The following STX3 variants were observed in gnomAD, a reference collection of about 807,000 sequenced individuals.
STX3 encodes syntaxin 3.
In STX3, 19 loss-of-function variants were observed where a neutral mutation model predicts 40.2. That is an observed-to-expected ratio of 0.47 (90% CI 0.33 to 0.69). The LOEUF (loss-of-function observed/expected upper bound fraction) is 0.69. Among genes scored for constraint, STX3 ranks in the 30% least tolerant of loss-of-function variants. STX3 has a pLI of 0.02. For missense variants in STX3, 364 were observed against 366.7 expected, an observed-to-expected ratio of 0.99 and a Z score of 0.06; for synonymous variants, 122 against 132.2, an observed-to-expected ratio of 0.92 and a Z score of 0.53.
rs201820174 is a variant in STX3, at chr11:59,787,097, C to T, written c.175C>T (p.Leu59Phe). ...AGAACATGTAGAGGAGGCTAAGAAA[C>T]TCTACAGTATCATTCTCTCTGCACC... ...ISEHVEEAKK[L>F]YSIILSAPIP... is the part of the protein sequence containing the mutation. The change falls in exon 3 of 11, where the codon CTC (leucine) becomes TTC (phenylalanine). Residue 59 changes from leucine to phenylalanine, a missense_variant. By Grantham distance (22) the Leu-to-Phe change is conservative (BLOSUM62 0). Transcript: ENST00000337979. The T allele has an allele frequency of 2.8e-5, 45 of 1,614,150 alleles. No homozygotes were observed. In the African/African-American group the frequency reaches 4.4e-4, roughly 16 times the overall value.
Position 59,801,226 on chromosome 11 carries a change from A to G in STX3, c.*402A>G, listed in dbSNP as rs1035439183. On this transcript the variant is annotated 3_prime_UTR_variant, in exon 11 of 11. Transcript: ENST00000337979. ...AGTATTCTCCCAGAAACTGCAATGTATTTTTTTAGGGGAGTATCTTTAACA... is the reference window on the plus strand; with the variant it reads ...AGTATTCTCCCAGAAACTGCAATGTGTTTTTTTAGGGGAGTATCTTTAACA... The G allele has an allele frequency of 6.4e-6, 7 of 1,085,328 alleles. No homozygotes were observed. The Middle Eastern group carries it at 1.2e-3, about 190-fold the overall frequency. The allele number at this position is 1,085,328 out of a possible 1,614,324, so 67.2% of individuals were successfully genotyped here.
chr11:59,787,478 C>A (rs3781792), intron 3 of STX3, among the ~76,000 whole-genome samples: 15,775 of 152,202 alleles, frequency 0.1, 1,146 homozygotes, highest in African/African-American at 0.2. Flanking sequence ...CCAGCCTGAA[C>A]TGCTTTTCCT....
At chr11:59,793,808 T>C (rs1865355164) in intron 8 of STX3, among the ~76,000 whole-genome samples, 1 of 138,276 alleles carries the variant, frequency 7.2e-6, no homozygotes, top group South Asian at 2.2e-4. Context: ...GGATTTTTGA[T>C]TTTTTTTTTT....
At position 59,755,670 on chromosome 11, in the gene STX3, G is replaced by A. The variant is rs769946284; in HGVS notation, c.30+35G>A. 4 of 1,588,938 alleles carry A rather than the reference G, an allele frequency of 2.5e-6. No homozygotes were observed. The South Asian group carries it at 3.3e-5, about 13-fold the overall frequency. On this transcript the variant is annotated intron_variant, in intron 1 of 10. Coordinates refer to ENST00000337979, the MANE Select transcript of STX3 (RefSeq NM_004177.5). ...GCCGCAGGCGGGGTGCTGCCAGGAGGGGTGCTGCATGGGAGAGGGGCTTCC... is the reference window on the plus strand; with the variant it reads ...GCCGCAGGCGGGGTGCTGCCAGGAGAGGTGCTGCATGGGAGAGGGGCTTCC...
chr11:59,759,922 A>G (rs1862941867), intron 1 of STX3, among the ~76,000 whole-genome samples: 1 of 152,218 alleles, frequency 6.6e-6, no homozygotes, highest in Non-Finnish European at 1.5e-5. Flanking sequence ...GCTTTGGATC[A>G]TAACTGAACC....
Position 59,801,407 on chromosome 11 carries a change from C to G in STX3, c.*583C>G. ...CTAAAGAGCTGACTTGTTTGAAATT[C>G]AGCCTTAAATTAAGCTCTTAGTTGT... On this transcript the variant is annotated 3_prime_UTR_variant, in exon 11 of 11. Coordinates refer to ENST00000337979, the MANE Select transcript of STX3 (RefSeq NM_004177.5). 4.1e-6 allele frequency: 4 copies of G among 987,554 alleles called. No individual in the cohort carries two copies. The highest frequency in any genetic ancestry group is 4.8e-6 in the Non-Finnish European group (4 of 831,050). 61.2% of individuals were successfully genotyped at this position (987,554 alleles called of 1,614,324 possible).
chr11:59,802,451 G>A lies in STX3; in HGVS notation c.*1627G>A, dbSNP rs1865921493. 1.0e-6 allele frequency: 1 copy of A among 985,816 alleles called. No homozygotes were observed. The highest frequency in any genetic ancestry group is 1.2e-6 in the Non-Finnish European group (1 of 829,942). 61.1% of individuals were successfully genotyped at this position (985,816 alleles called of 1,614,324 possible). A position where few individuals can be genotyped will look rare whatever the true frequency, so the allele number is the denominator to read the frequency against. The stretch of plus-strand genomic sequence containing the variant: ...CCTTTGCAAAGGCTACTTATGGCCG[G>A]TCACAATCCAGCACTCAGACAGAGC... On this transcript the variant is annotated 3_prime_UTR_variant, in exon 11 of 11. Transcript: ENST00000337979.
intron 2 of STX3, among the ~76,000 whole-genome samples, chr11:59,786,243 C>CTTT (rs1333761860): frequency 3.7e-5 from 5 of 135,528 alleles, no homozygotes; most frequent in Admixed American, 7.5e-5. Flanking sequence ...TTCTTTCTTT[C>CTTT]TTTTTTTTTT....
chr11:59,762,950 C>T (rs1863112548), intron 1 of STX3, among the ~76,000 whole-genome samples: 1 of 152,192 alleles, frequency 6.6e-6, no homozygotes, highest in Admixed American at 6.5e-5. Flanking sequence ...CCAACATTCT[C>T]TAATAAGCTT....
chr11:59,793,080 T>TG lies in STX3; in HGVS notation c.467-19_467-18insG. On this transcript the variant is annotated intron_variant, in intron 6 of 10. Transcript: ENST00000337979. The stretch of plus-strand genomic sequence containing the variant: ...CACCGTGATCTTATATTTGACGCTC[T>TG]ACTTCTTTTGTTACAAAGCTGGCAA... 6.2e-7 allele frequency: 1 copy of TG among 1,612,380 alleles called. No homozygotes were observed. Among genetic ancestry groups the TG allele is most frequent in the Non-Finnish European group, 8.5e-7 (1 of 1,179,530 alleles).
chr11:59,783,920 G>A (rs1864587251), intron 2 of STX3, among the ~76,000 whole-genome samples: 1 of 152,232 alleles, frequency 6.6e-6, no homozygotes, highest in Non-Finnish European at 1.5e-5. Context: ...AAAGGTTGAT[G>A]CGGTCAGAGG....
At chr11:59,771,142 C>T (rs1374821926) in intron 1 of STX3, among the ~76,000 whole-genome samples, 1 of 140,918 alleles carries the variant, frequency 7.1e-6, no homozygotes, top group Non-Finnish European at 1.5e-5. Flanking sequence ...GTATCCACTT[C>T]GGCTGGGTGC....
At chr11:59,797,197 G>A (rs917679480) in intron 9 of STX3, 86 bp from the exon 10 acceptor site, 18 of 941,456 alleles carry the variant, frequency 1.9e-5, no homozygotes, top group Non-Finnish European at 3.1e-5. Context: ...TCTATGTAGA[G>A]GTGACAGGGG....
chr11:59,771,398 C>T (rs1408831015), intron 1 of STX3, among the ~76,000 whole-genome samples: 6 of 123,764 alleles, frequency 4.8e-5, no homozygotes, highest in African/African-American at 1.8e-4. Context: ...CCCCGTCCCC[C>T]CACCTCCCCC....
At chr11:59,795,288 T>G in intron 8 of STX3, 84 bp from the exon 9 acceptor site, 1 of 1,146,498 alleles carries the variant, frequency 8.7e-7, no homozygotes, top group Non-Finnish European at 1.3e-6. Context: ...CACTGAAGAT[T>G]GTAAGAAAGA....
At chr11:59,763,495 C>A (rs1013030187) in intron 1 of STX3, among the ~76,000 whole-genome samples, 2 of 152,106 alleles carry the variant, frequency 1.3e-5, no homozygotes, top group African/African-American at 2.4e-5. Context: ...AATGCAAGTT[C>A]TTTTGAAATA....
At chr11:59,796,583 T>TG (rs1217614930) in intron 9 of STX3, among the ~76,000 whole-genome samples, 1 of 152,154 alleles carries the variant, frequency 6.6e-6, no homozygotes, top group Non-Finnish European at 1.5e-5. Context: ...GGTAGGAGTA[T>TG]GGGCAAAAGT....
chr11:59,782,675 C>T (rs1430603280), intron 2 of STX3, among the ~76,000 whole-genome samples: 1 of 152,048 alleles, frequency 6.6e-6, no homozygotes, highest in South Asian at 2.1e-4. Flanking sequence ...ATCTGGATTC[C>T]CGTATTACTA....
At position 59,801,103 on chromosome 11, in the gene STX3, C is replaced by T; in HGVS notation, c.*279C>T. The T allele has an allele frequency of 7.2e-7, 1 of 1,393,122 alleles. No homozygotes were observed. Among genetic ancestry groups the T allele is most frequent in the Non-Finnish European group, 9.3e-7 (1 of 1,074,220 alleles). The allele number at this position is 1,393,122 out of a possible 1,614,324, so 86.3% of individuals were successfully genotyped here. A position where few individuals can be genotyped will look rare whatever the true frequency, so the allele number is the denominator to read the frequency against. ...TTTCTCCTGGACTGTGTGGACCCAC[C>T]CAGCTTTCTTCCTCCCTGTTGTGTG... On this transcript the variant is annotated 3_prime_UTR_variant, in exon 11 of 11. Coordinates refer to ENST00000337979, the MANE Select transcript of STX3 (RefSeq NM_004177.5).
Sources: allele counts gnomAD v4.1 joint callset (sites outside exome capture counted in the v4.1 genomes callset), GRCh38; gene constraint gnomAD v4.1.1; transcripts MANE v1.5; gene names NCBI Gene and HGNC (gene_info 2026-07-23, HGNC 2026-07-21).